ADAMTS12: variants seen among roughly 807,000 people sequenced by gnomAD.
ADAMTS12 encodes the protein ADAM metallopeptidase with thrombospondin type 1 motif 12, also known as A disintegrin and metalloproteinase with thrombospondin motifs 12.
A neutral mutation model predicts 167.8 loss-of-function variants in ADAMTS12; 118 were observed. The observed-to-expected ratio is 0.70, with a 90% CI of 0.61 to 0.82. The LOEUF (loss-of-function observed/expected upper bound fraction) is 0.82, where lower values mean the gene tolerates loss of function less well. Among genes scored for constraint, ADAMTS12 ranks in the 40% least tolerant of loss-of-function variants. The probability of loss-of-function intolerance (pLI) is 0.00; values close to 1 mark genes in which losing one functional copy is unlikely to be tolerated. For synonymous variants in ADAMTS12, 704 were observed against 716.9 expected (o/e 0.98, Z 0.29); for missense variants, 1,916 against 1,998.8 (o/e 0.96, Z 0.79).
chr5:33,673,121 T>C (rs978947445), intron 5 of ADAMTS12, among the ~76,000 whole-genome samples: 44 of 152,318 alleles, frequency 2.9e-4, no homozygotes, highest in Middle Eastern at 3.4e-3. Flanking sequence ...GATAACCTCT[T>C]CTTTCGAGAT....
In ADAMTS12 at chr5:33,635,520, A is replaced by T. The variant is rs1174129034; in HGVS notation, c.1888+2057T>A. On this transcript the variant is annotated intron_variant, in intron 12 of 23. Coordinates refer to ENST00000504830, the MANE Select transcript of ADAMTS12 (RefSeq NM_030955.4). ...TAGCTTATCTCTAAAAATTGGGTCA[A>T]AAACAGCTCTCCTTGAAGGGTTTTC... Among the ~76,000 whole-genome samples, 8 of 152,290 alleles carry T rather than the reference A, an allele frequency of 5.3e-5. No homozygotes were observed. In the East Asian group the frequency reaches 1.5e-3, roughly 29 times the overall value.
intron 2 of ADAMTS12, among the ~76,000 whole-genome samples, chr5:33,769,601 C>G (rs1745668991): frequency 6.6e-6 from 1 of 152,134 alleles, no homozygotes. Context: ...CAAAATCAGC[C>G]CAAGAACTAC....
intron 12 of ADAMTS12, among the ~76,000 whole-genome samples, chr5:33,636,140 C>T (rs528092628): frequency 6.6e-6 from 1 of 152,278 alleles, no homozygotes; most frequent in East Asian, 1.9e-4. Context: ...CTAAGTCCAG[C>T]TACTTGAGCC....
At chr5:33,638,384 C>T (rs974837811) in intron 11 of ADAMTS12, among the ~76,000 whole-genome samples, 1 of 152,194 alleles carries the variant, frequency 6.6e-6, no homozygotes, top group African/African-American at 2.4e-5. Context: ...GCTTGGCATT[C>T]AAAGCTCTCA....
At chr5:33,670,526 G>C (rs895259860) in intron 5 of ADAMTS12, among the ~76,000 whole-genome samples, 1 of 152,212 alleles carries the variant, frequency 6.6e-6, no homozygotes. Flanking sequence ...TGGATCACCT[G>C]AGGTCAGGAG....
At chr5:33,696,193 G>A (rs1475891242) in intron 3 of ADAMTS12, among the ~76,000 whole-genome samples, 4 of 151,814 alleles carry the variant, frequency 2.6e-5, no homozygotes, top group Non-Finnish European at 5.9e-5. Flanking sequence ...AGGCCAAGTC[G>A]GGCAGATCAC....
At chr5:33,620,369 T>C (rs981129763) in intron 14 of ADAMTS12, among the ~76,000 whole-genome samples, 2 of 152,210 alleles carry the variant, frequency 1.3e-5, no homozygotes, top group African/African-American at 4.8e-5. Flanking sequence ...CAATGAAAAA[T>C]ATTCAAGAAT....
At chr5:33,721,822 C>T (rs368762612) in intron 3 of ADAMTS12, among the ~76,000 whole-genome samples, 75 of 152,280 alleles carry the variant, frequency 4.9e-4, no homozygotes, top group Middle Eastern at 3.4e-3. Flanking sequence ...GAGTGACACC[C>T]GGCAGCTCAG....
chr5:33,726,191 T>C (rs899368431), intron 3 of ADAMTS12, among the ~76,000 whole-genome samples: 6 of 152,168 alleles, frequency 3.9e-5, no homozygotes, highest in African/African-American at 1.4e-4. Flanking sequence ...GAGCCTTAAA[T>C]GCAGCAATCT....
intron 23 of ADAMTS12, among the ~76,000 whole-genome samples, chr5:33,528,114 T>G (rs531998382): frequency 4.6e-5 from 7 of 151,514 alleles, no homozygotes; most frequent in African/African-American, 1.2e-4. Flanking sequence ...TGAAATAATG[T>G]TTTTTGCAGC....
intron 11 of ADAMTS12, among the ~76,000 whole-genome samples, chr5:33,639,653 G>A (rs1405444704): frequency 1.3e-5 from 2 of 152,162 alleles, no homozygotes; most frequent in Admixed American, 1.3e-4. Context: ...GACTTGAATC[G>A]TCGTCTTCCT....
At chr5:33,794,642 C>T (rs2112462938) in intron 2 of ADAMTS12, among the ~76,000 whole-genome samples, 1 of 137,206 alleles carries the variant, frequency 7.3e-6, no homozygotes, top group Admixed American at 7.1e-5. Context: ...CTCCATTTTC[C>T]TTGGAAACCG....
At chr5:33,830,429 A>G (rs749499056) in intron 2 of ADAMTS12, among the ~76,000 whole-genome samples, 20 of 152,208 alleles carry the variant, frequency 1.3e-4, no homozygotes, top group Admixed American at 2.0e-4. Context: ...AAAGCAGCCA[A>G]TTGATATAAA....
chr5:33,535,321 G>A (rs1016738198), intron 22 of ADAMTS12, among the ~76,000 whole-genome samples: 8 of 152,174 alleles, frequency 5.3e-5, no homozygotes, highest in African/African-American at 9.7e-5. Flanking sequence ...CGTTGGTGCC[G>A]TTGGACCCAG....
At chr5:33,671,138 T>C (rs1465269453) in intron 5 of ADAMTS12, among the ~76,000 whole-genome samples, 1 of 152,130 alleles carries the variant, frequency 6.6e-6, no homozygotes, top group East Asian at 1.9e-4. Flanking sequence ...CAGAGCAGAT[T>C]AGTGCTTATC....
At chr5:33,798,061 T>C (rs527749537) in intron 2 of ADAMTS12, among the ~76,000 whole-genome samples, 1 of 152,312 alleles carries the variant, frequency 6.6e-6, no homozygotes, top group East Asian at 1.9e-4. Flanking sequence ...AAGAACTGAC[T>C]ATCCTTCTCG....
At chr5:33,685,129 C>T (rs961398922) in intron 3 of ADAMTS12, among the ~76,000 whole-genome samples, 6 of 152,334 alleles carry the variant, frequency 3.9e-5, no homozygotes, top group African/African-American at 1.4e-4. Flanking sequence ...CACTTCCTGC[C>T]TCTCCCTCAT....
At chr5:33,784,776 C>T (rs66868236) in intron 2 of ADAMTS12, among the ~76,000 whole-genome samples, 10,522 of 151,972 alleles carry the variant, frequency 0.069, 517 homozygotes, top group Non-Finnish European at 0.1. Context: ...TCTATATATT[C>T]TATATACTGA....
intron 19 of ADAMTS12, among the ~76,000 whole-genome samples, chr5:33,561,599 T>C (rs1323303269): frequency 1.3e-5 from 2 of 152,120 alleles, no homozygotes; most frequent in Admixed American, 6.5e-5. Flanking sequence ...CTGGGCAACA[T>C]AGGGAGAACC....
Sources: gnomAD v4.1 joint callset for allele counts (sites outside exome capture counted in the v4.1 genomes callset) on GRCh38, gnomAD v4.1.1 for gene constraint, MANE v1.5 for transcripts, NCBI Gene and HGNC (gene_info 2026-07-23, HGNC 2026-07-21) for gene names.